IFT122: variants seen among roughly 807,000 people sequenced by gnomAD.
The protein encoded by IFT122 is intraflagellar transport protein 122 homolog.
A neutral mutation model predicts 161.6 loss-of-function variants in IFT122; 118 were observed. That is an observed-to-expected ratio of 0.73 (90% CI 0.63 to 0.85). The LOEUF (loss-of-function observed/expected upper bound fraction) is 0.85. Among genes scored for constraint, IFT122 ranks in the 40% least tolerant of loss-of-function variants. The pLI is 0.00. For synonymous variants in IFT122, 550 were observed against 602.4 expected, an observed-to-expected ratio of 0.91 and a Z score of 1.27; for missense variants, 1,381 against 1,579.6, an observed-to-expected ratio of 0.87 and a Z score of 2.13.
Position 129,468,360 on chromosome 3 carries a change from T to G in IFT122, c.741-982T>G, listed in dbSNP as rs116046381. On this transcript the variant is annotated intron_variant, in intron 8 of 29. Transcript: ENST00000348417. ...CTAGGAATGCTTTTCTTTTTTTTTT[T>G]TGTGACAGAGTCTGGCTCTGTCACC... Among the ~76,000 whole-genome samples, 413 of 152,248 alleles carry G rather than the reference T, an allele frequency of 2.7e-3. 2 individuals carry two copies. The highest frequency in any genetic ancestry group is 8.4e-3 in the African/African-American group (351 of 41,548).
chr3:129,482,691 C>T (rs1165552089), intron 14 of IFT122, among the ~76,000 whole-genome samples: 2 of 152,212 alleles, frequency 1.3e-5, no homozygotes, highest in Non-Finnish European at 1.5e-5. Context: ...TTCAAGCTGA[C>T]CTGGGCTTGG....
intron 1 of IFT122, among the ~76,000 whole-genome samples, chr3:129,440,756 A>G (rs2072922678): frequency 6.6e-6 from 1 of 152,206 alleles, no homozygotes; most frequent in Non-Finnish European, 1.5e-5. Flanking sequence ...AAATTGTCTC[A>G]TTTATTTTAA....
chr3:129,441,327 C>G (rs1478523987), intron 1 of IFT122, among the ~76,000 whole-genome samples: 1 of 152,170 alleles, frequency 6.6e-6, no homozygotes, highest in Non-Finnish European at 1.5e-5. Context: ...TCCTGAACAT[C>G]CTTCAAGGCT....
At chr3:129,488,631 G>A (rs544819225) in intron 16 of IFT122, among the ~76,000 whole-genome samples, 3 of 152,162 alleles carry the variant, frequency 2.0e-5, no homozygotes, top group African/African-American at 7.2e-5. Context: ...TCACAAAGCT[G>A]TGAGGATCAA....
chr3:129,519,700 G>A lies in IFT122; in HGVS notation c.3604G>A (p.Ala1202Thr), dbSNP rs2084506209. Reference sequence around the variant, plus strand: ...ATACTTCCGCTCACTGCTGCCTGACGCCTCCATTACCATGTGCCCCTCCTG... The same window carrying A: ...ATACTTCCGCTCACTGCTGCCTGACACCTCCATTACCATGTGCCCCTCCTG... ...WQYFRSLLPD[A>T]SITMCPSCFQ... Residue 1202 changes from alanine (A) to threonine (T), a missense_variant, in exon 29 of 30, where the codon GCC (alanine) becomes ACC (threonine). Ala to Thr is a moderately conservative substitution (Grantham distance 58). Coordinates refer to ENST00000348417, the MANE Select transcript of IFT122 (RefSeq NM_052989.3). 6.2e-7 allele frequency: 1 copy of A among 1,613,684 alleles called. No individual in the cohort carries two copies. Among genetic ancestry groups the A allele is most frequent in the Non-Finnish European group, 8.5e-7 (1 of 1,180,006 alleles).
At chr3:129,495,655 T>G in intron 18 of IFT122, 48 bp downstream of exon 18, 1 of 1,601,986 alleles carries the variant, frequency 6.2e-7, no homozygotes, top group Non-Finnish European at 8.6e-7. Context: ...AGCCCACTGG[T>G]ATTCTCACGT....
chr3:129,508,254 A>G (rs1034386866), intron 23 of IFT122, among the ~76,000 whole-genome samples: 2 of 151,962 alleles, frequency 1.3e-5, no homozygotes, highest in Admixed American at 6.5e-5. Context: ...CTTTTTAGTC[A>G]CTCCCTGATT....
chr3:129,444,489 T>C (rs1206334979), intron 1 of IFT122, among the ~76,000 whole-genome samples: 1 of 152,166 alleles, frequency 6.6e-6, no homozygotes, highest in Non-Finnish European at 1.5e-5. Context: ...CTACATTATG[T>C]TTTCGTAAGG....
At chr3:129,496,816 G>T (rs553922914) in intron 18 of IFT122, among the ~76,000 whole-genome samples, 7 of 152,152 alleles carry the variant, frequency 4.6e-5, no homozygotes, top group African/African-American at 1.4e-4. Flanking sequence ...ACACCTAGAA[G>T]ATTTCATAAC....
intron 1 of IFT122, among the ~76,000 whole-genome samples, chr3:129,442,756 A>T (rs980001374): frequency 6.6e-6 from 1 of 152,190 alleles, no homozygotes; most frequent in Non-Finnish European, 1.5e-5. Flanking sequence ...TCTACTTCTC[A>T]TAAACCTAGA....
Position 129,481,512 on chromosome 3 carries a change from T to C in IFT122, c.1489-18T>C. On this transcript the variant is annotated intron_variant, in intron 13 of 29. Transcript: ENST00000348417. ...GTTGCCATGGTGACTGACACTGTTT[T>C]CGCTGAAATTTTGCCAGATCCTGAA... 3 of 1,509,988 alleles carry C rather than the reference T, an allele frequency of 2.0e-6. No homozygotes were observed. Among genetic ancestry groups the C allele is most frequent in the Non-Finnish European group, 2.8e-6 (3 of 1,086,664 alleles). 93.5% of individuals were successfully genotyped at this position (1,509,988 alleles called of 1,614,324 possible). A position where few individuals can be genotyped will look rare whatever the true frequency, so the allele number is the denominator to read the frequency against.
At position 129,517,739 on chromosome 3, in the gene IFT122, A is replaced by G. The variant is rs111536902; in HGVS notation, c.3391+145A>G. The stretch of plus-strand genomic sequence containing the variant: ...TCCCAGAGAGATTGGAGAGGCCCAC[A>G]TGGGACAGGGACAGGGATCAGAGAT... On this transcript the variant is annotated intron_variant, in intron 27 of 29. Coordinates refer to ENST00000348417, the MANE Select transcript of IFT122 (RefSeq NM_052989.3). The G allele has an allele frequency of 5.6e-4, 633 of 1,132,340 alleles. 3 individuals carry two copies. In the African/African-American group the frequency reaches 8.4e-3, roughly 15 times the overall value. The allele number at this position is 1,132,340 out of a possible 1,614,324, so 70.1% of individuals were successfully genotyped here.
rs370845379 is a variant in IFT122 at position 129,495,574 on chromosome 3, G to T, written c.2175G>T (p.Met725Ile). The T allele has an allele frequency of 2.5e-6, 4 of 1,614,090 alleles. No homozygotes were observed. Among genetic ancestry groups the T allele is most frequent in the Non-Finnish European group, 3.4e-6 (4 of 1,180,050 alleles). Residue 725 changes from methionine (M) to isoleucine (I), a missense_variant, in exon 18 of 30, where the codon ATG becomes ATT. Physicochemically the swap from Met to Ile is conservative, Grantham distance 10. Transcript: ENST00000348417. ...RSGHENLALE[M>I]YTDLCMFEYA... ...GGCACGAGAACCTCGCGCTTGAAAT[G>T]TACACCGACCTCTGCATGTTTGAGT... is the stretch of plus-strand genomic sequence containing the variant.
chr3:129,450,054 C>T (rs1416766528), intron 2 of IFT122, 117 bp downstream of exon 2: 20 of 750,162 alleles, frequency 2.7e-5, no homozygotes, highest in Middle Eastern at 2.4e-4. Context: ...GGTGGAAAAA[C>T]CTTCCCTATT....
At chr3:129,482,476 A>G (rs1377631765) in intron 14 of IFT122, among the ~76,000 whole-genome samples, 1 of 152,090 alleles carries the variant, frequency 6.6e-6, no homozygotes, top group Non-Finnish European at 1.5e-5. Context: ...TCCTGATGTT[A>G]TGGGCAGATT....
At chr3:129,487,269 C>T (rs1302202581) in intron 15 of IFT122, among the ~76,000 whole-genome samples, 2 of 152,250 alleles carry the variant, frequency 1.3e-5, no homozygotes, top group Admixed American at 1.3e-4. Flanking sequence ...AAGACTCATT[C>T]TCAGGCCTGC....
chr3:129,442,743 T>TCAGAAGTAGAGAG (rs2073413131), intron 1 of IFT122, among the ~76,000 whole-genome samples: 1 of 152,226 alleles, frequency 6.6e-6, no homozygotes, highest in South Asian at 2.1e-4. Context: ...GTGATCCTGT[T>TCAGAAGTAGAGAG]ACTCTACTTC....
chr3:129,512,287 CCT>C (rs2082931471), intron 23 of IFT122, 23 bp from the exon 24 acceptor site: 1 of 1,544,594 alleles, frequency 6.5e-7, no homozygotes, highest in Non-Finnish European at 9.0e-7. Flanking sequence ...GAACTCAATC[CCT>C]GTTTGCTTTT....
chr3:129,487,904 A>G, intron 15 of IFT122: 1 of 375,458 alleles, frequency 2.7e-6, no homozygotes, highest in Non-Finnish European at 5.2e-6. Flanking sequence ...GTGACATTTC[A>G]ACAGGGCCTT....
Sources: gnomAD v4.1 joint callset for allele counts (sites outside exome capture counted in the v4.1 genomes callset) on GRCh38, gnomAD v4.1.1 for gene constraint, MANE v1.5 for transcripts, NCBI Gene and HGNC (gene_info 2026-07-23, HGNC 2026-07-21) for gene names.